Variants in CLHC1 observed in about 807,000 individuals in gnomAD.
The protein encoded by CLHC1 is clathrin heavy chain linker domain-containing protein 1.
In CLHC1, 72 loss-of-function variants were observed where a neutral mutation model predicts 69.5. The ratio of observed to expected loss-of-function variants is 1.04; its 90% confidence interval spans 0.86 to 1.26. The LOEUF (loss-of-function observed/expected upper bound fraction) is 1.26, where lower values mean the gene tolerates loss of function less well. CLHC1 is among the 50% of genes most tolerant of loss of function. CLHC1 has a pLI of 0.00. For missense variants in CLHC1, 790 were observed against 679.3 expected (o/e 1.16, Z -1.81); for synonymous variants, 223 against 224.3 (o/e 0.99, Z 0.05).
At position 55,173,731 on chromosome 2, in the gene CLHC1, C is replaced by A. The variant is rs1344228438; in HGVS notation, c.*2059G>T. ...ATTTAACTTTGTAATCTTGCTCTTC[C>A]TCCCAACTCCATTTTCCATCACCAG... On this transcript the variant is annotated 3_prime_UTR_variant, in exon 13 of 13. Coordinates refer to ENST00000401408, the MANE Select transcript of CLHC1 (RefSeq NM_152385.4). Among the ~76,000 whole-genome samples, 2 of 152,170 alleles carry A rather than the reference C, an allele frequency of 1.3e-5. No individual in the cohort carries two copies. The highest frequency in any genetic ancestry group is 4.8e-5 in the African/African-American group (2 of 41,444).
chr2:55,213,487 G>A (rs568198483), intron 4 of CLHC1, among the ~76,000 whole-genome samples: 6 of 152,124 alleles, frequency 3.9e-5, no homozygotes, highest in South Asian at 4.2e-4. Context: ...TTCCAAATAC[G>A]GTTAACATTT....
chr2:55,222,087 T>A (rs1674180531), intron 3 of CLHC1, 148 bp downstream of exon 3: 3 of 615,338 alleles, frequency 4.9e-6, no homozygotes, highest in Non-Finnish European at 8.4e-6. Context: ...CATTCATGCC[T>A]TTCTGAGAAA....
intron 3 of CLHC1, among the ~76,000 whole-genome samples, chr2:55,218,835 G>A (rs1156624385): frequency 6.6e-6 from 1 of 152,166 alleles, no homozygotes; most frequent in Non-Finnish European, 1.5e-5. Context: ...GAAGAATACA[G>A]AGAATAGACA....
chr2:55,232,169 G>C (rs1276095955), intron 1 of CLHC1, 54 bp downstream of exon 1: 2 of 158,568 alleles, frequency 1.3e-5, no homozygotes, highest in African/African-American at 2.4e-5. Context: ...ATTTGCTCTA[G>C]TCACTTCCGG....
chr2:55,194,877 G>A (rs4420737), intron 9 of CLHC1, among the ~76,000 whole-genome samples: 73,906 of 151,848 alleles, frequency 0.49, 18,134 homozygotes, highest in East Asian at 0.51. Context: ...GTTTGTGCAT[G>A]TGTATTGAGA....
intron 1 of CLHC1, among the ~76,000 whole-genome samples, chr2:55,231,627 A>G (rs1248364942): frequency 6.6e-6 from 1 of 152,172 alleles, no homozygotes; most frequent in East Asian, 1.9e-4. Flanking sequence ...AGGATGAAGA[A>G]ATAAATACAG....
intron 5 of CLHC1, 109 bp downstream of exon 5, chr2:55,212,563 AC>A: frequency 3.6e-6 from 3 of 838,588 alleles, no homozygotes; most frequent in Non-Finnish European, 5.8e-6. Flanking sequence ...TACAACACAC[AC>A]ACATGTGCAA....
At chr2:55,203,358 T>C (rs1310160440) in intron 9 of CLHC1, among the ~76,000 whole-genome samples, 2 of 151,890 alleles carry the variant, frequency 1.3e-5, no homozygotes, top group East Asian at 1.9e-4. Context: ...CCAAAAACCA[T>C]CCTAAGCAAA....
At chr2:55,231,086 C>G (rs534249549) in intron 1 of CLHC1, among the ~76,000 whole-genome samples, 1 of 152,108 alleles carries the variant, frequency 6.6e-6, no homozygotes, top group East Asian at 1.9e-4. Flanking sequence ...CCCATCTCTA[C>G]TAAAAATACA....
intron 10 of CLHC1, among the ~76,000 whole-genome samples, chr2:55,181,225 C>T (rs550882822): frequency 6.6e-6 from 1 of 152,242 alleles, no homozygotes; most frequent in Non-Finnish European, 1.5e-5. Context: ...AAGTCATCTG[C>T]CCACCTCGGA....
At chr2:55,180,411 T>C in intron 11 of CLHC1, 99 bp downstream of exon 11, 1 of 814,716 alleles carries the variant, frequency 1.2e-6, no homozygotes, top group Non-Finnish European at 2.0e-6. Context: ...TAAAATTGAT[T>C]TTATAACGTA....
rs115224856 is a variant in CLHC1 at position 55,215,815 on chromosome 2, G to T, written c.365+1996C>A. The stretch of plus-strand genomic sequence containing the variant: ...GTGCTCCACTTATCTTTTGTCTTCT[G>T]TTAGATTTTGCCCTGATTTTGACTT... On this transcript the variant is annotated intron_variant, in intron 4 of 12. Transcript: ENST00000401408. 7.7e-3 allele frequency among the ~76,000 whole-genome samples: 1,170 copies of T among 152,188 alleles called. 12 individuals carry two copies. Among genetic ancestry groups the T allele is most frequent in the African/African-American group, 0.027 (1,125 of 41,524 alleles).
At chr2:55,179,806 T>G (rs1208179407) in intron 11 of CLHC1, among the ~76,000 whole-genome samples, 5 of 152,188 alleles carry the variant, frequency 3.3e-5, no homozygotes, top group Admixed American at 3.3e-4. Context: ...GTTTTAAAAT[T>G]TTGAAATAAA....
chr2:55,209,719 A>G lies in CLHC1; in HGVS notation c.612T>C (p.Ala204=), dbSNP rs1188373574. 1 of 1,613,806 alleles carries G rather than the reference A, an allele frequency of 6.2e-7. No individual in the cohort carries two copies. Among genetic ancestry groups the G allele is most frequent in the Non-Finnish European group, 8.5e-7 (1 of 1,179,778 alleles). ...CTTCATCTAAATCAGCCTTCCTCTG[A>G]GCTGGCACATATTTTATCAACATAG... The part of the protein sequence containing the change: ...KQAMLIKYVP[A]QRKADLDEEM... The change falls in exon 6 of 13, where the codon GCT becomes GCC. Residue 204 remains alanine (A), a synonymous_variant. Coordinates refer to ENST00000401408, the MANE Select transcript of CLHC1 (RefSeq NM_152385.4).
rs768297143 is a variant in CLHC1, at chr2:55,180,495, G to A, written c.1384+15C>T. 7 of 1,597,532 alleles carry A rather than the reference G, an allele frequency of 4.4e-6. No homozygotes were observed. The highest frequency in any genetic ancestry group is 6.0e-6 in the Non-Finnish European group (7 of 1,165,734). ...AGAATTCAAATGTATACAAATGGCA[G>A]ACTTTTTAACTTACCGGTAGTAAAG... On this transcript the variant is annotated intron_variant, in intron 11 of 12. Coordinates refer to ENST00000401408, the MANE Select transcript of CLHC1 (RefSeq NM_152385.4).
intron 9 of CLHC1, among the ~76,000 whole-genome samples, chr2:55,193,750 G>C (rs1172247527): frequency 1.3e-5 from 2 of 152,108 alleles, no homozygotes; most frequent in Non-Finnish European, 2.9e-5. Flanking sequence ...ATATAATTTA[G>C]CTTGGCAATT....
chr2:55,213,437 C>T (rs1187958513), intron 4 of CLHC1, among the ~76,000 whole-genome samples: 1 of 152,182 alleles, frequency 6.6e-6, no homozygotes, highest in Non-Finnish European at 1.5e-5. Flanking sequence ...TTATAACCTC[C>T]CTATCTCAAA....
intron 9 of CLHC1, among the ~76,000 whole-genome samples, chr2:55,185,191 G>C (rs1294377946): frequency 6.6e-6 from 1 of 152,084 alleles, no homozygotes; most frequent in African/African-American, 2.4e-5. Context: ...TTAAAAGTTT[G>C]ATTCCTAAAC....
At chr2:55,223,157 G>C (rs1674320508) in intron 2 of CLHC1, among the ~76,000 whole-genome samples, 1 of 151,952 alleles carries the variant, frequency 6.6e-6, no homozygotes, top group Admixed American at 6.6e-5. Flanking sequence ...TAAGCCTCTT[G>C]ACACAAACAA....
Sources: gnomAD v4.1 joint callset for allele counts (sites outside exome capture counted in the v4.1 genomes callset) on GRCh38, gnomAD v4.1.1 for gene constraint, MANE v1.5 for transcripts, NCBI Gene and HGNC (gene_info 2026-07-23, HGNC 2026-07-21) for gene names.